Variants in IARS1 observed in about 807,000 individuals in gnomAD.
The protein encoded by IARS1 is isoleucyl-tRNA synthetase 1.
IARS1 carries 124 observed loss-of-function variants against 168.2 expected under a neutral mutation model. That is an observed-to-expected ratio of 0.74 (90% confidence interval 0.64 to 0.86). IARS1 has a LOEUF of 0.86. IARS1 is among the 40% of genes least tolerant of loss of function. IARS1 has a pLI of 0.00. For missense variants in IARS1, 1,452 were observed against 1,515.8 expected (o/e 0.96, Z 0.70); for synonymous variants, 532 against 529.4 (o/e 1.00, Z -0.07).
intron 23 of IARS1, among the ~76,000 whole-genome samples, 173 bp from the exon 24 acceptor site, chr9:92,250,462 C>A (rs997721078): frequency 4.6e-5 from 7 of 152,218 alleles, no homozygotes; most frequent in African/African-American, 1.7e-4. Context: ...CCCGGCATCT[C>A]CCCAAGGAGC....
intron 5 of IARS1, chr9:92,286,116 G>T (rs761020085): frequency 2.9e-6 from 1 of 340,716 alleles, no homozygotes; most frequent in East Asian, 5.5e-5. Flanking sequence ...GTCTGTAATC[G>T]TAGCACTTTG....
intron 12 of IARS1, 30 bp downstream of exon 12, chr9:92,270,955 A>T (rs1337684239): frequency 9.5e-6 from 14 of 1,471,864 alleles, no homozygotes; most frequent in Non-Finnish European, 1.3e-5. Context: ...TGGAAGCTCT[A>T]GCTACAACAC....
At chr9:92,254,540 G>T (rs1415167231) in intron 20 of IARS1, among the ~76,000 whole-genome samples, 1 of 152,212 alleles carries the variant, frequency 6.6e-6, no homozygotes, top group Non-Finnish European at 1.5e-5. Flanking sequence ...CTGAGCCCCA[G>T]GCCAGAGTCG....
At chr9:92,285,864 T>C (rs773658135) in intron 5 of IARS1, 25 bp from the exon 6 acceptor site, 1 of 1,280,562 alleles carries the variant, frequency 7.8e-7, no homozygotes, top group South Asian at 1.2e-5. Context: ...AGTTTCACAA[T>C]TACAGAACAA....
At position 92,250,720 on chromosome 9, in the gene IARS1, G is replaced by A. The variant is rs750608005; in HGVS notation, c.2422C>T (p.Arg808Cys). The A allele has an allele frequency of 1.2e-5, 20 of 1,607,188 alleles. No individual in the cohort carries two copies. Among genetic ancestry groups the A allele is most frequent in the East Asian group, 4.5e-5 (2 of 44,818 alleles). ...TTTCTATTTGAGTCCTACCGAACACGGGGCAGCATGAGGTAGTGAATGCTG... is the reference window on the plus strand; with the variant it reads ...TTTCTATTTGAGTCCTACCGAACACAGGGCAGCATGAGGTAGTGAATGCTG... ...TLSIHYLMLPRVREELIDKKT... is the reference protein window; with the variant it reads ...TLSIHYLMLPCVREELIDKKT... The change falls in exon 23 of 34, where the codon CGT becomes TGT. Residue 808 changes from arginine to cysteine, a missense_variant. Physicochemically the swap from Arg to Cys is radical, Grantham distance 180 (BLOSUM62 -3). Transcript: ENST00000443024.
At chr9:92,255,409 C>T (rs865869969) in intron 20 of IARS1, among the ~76,000 whole-genome samples, 1 of 152,192 alleles carries the variant, frequency 6.6e-6, no homozygotes, top group African/African-American at 2.4e-5. Context: ...TGTCCACCCA[C>T]TTTAACTGAC....
Position 92,210,907 on chromosome 9 carries a change from A to G in IARS1, c.3707-18T>C, listed in dbSNP as rs779402349. 1.1e-5 allele frequency: 17 copies of G among 1,517,948 alleles called. No homozygotes were observed. In the South Asian group the frequency reaches 1.9e-4, roughly 17 times the overall value. The allele number at this position is 1,517,948 out of a possible 1,614,324, so 94.0% of individuals were successfully genotyped here. On this transcript the variant is annotated intron_variant, in intron 33 of 33. Transcript: ENST00000443024. ...TGTAATTTCTAGAATGGAAAGAAAA[A>G]GTTGAAAAAAAATCAGTATTTTACC...
intron 30 of IARS1, among the ~76,000 whole-genome samples, chr9:92,236,872 C>T (rs1827623920): frequency 1.3e-5 from 2 of 152,166 alleles, no homozygotes; most frequent in Admixed American, 1.3e-4. Context: ...GAGATTTATT[C>T]ATAGTATTTG....
chr9:92,260,034 G>A (rs1241114064), intron 18 of IARS1, 117 bp downstream of exon 18: 2 of 698,002 alleles, frequency 2.9e-6, no homozygotes, highest in Non-Finnish European at 2.6e-6. Context: ...CCAAATAACA[G>A]AGATATGTTG....
At chr9:92,250,673 T>C in intron 23 of IARS1, 40 bp downstream of exon 23, 1 of 1,514,708 alleles carries the variant, frequency 6.6e-7, no homozygotes, top group Admixed American at 2.0e-5. Context: ...AACTCTCCCC[T>C]CCTTGGCACA....
At chr9:92,253,765 CT>C in intron 20 of IARS1, 1 of 510,662 alleles carries the variant, frequency 2.0e-6, no homozygotes, top group South Asian at 1.5e-5. Flanking sequence ...CACTACACAA[CT>C]GTAGGAAGTG....
chr9:92,220,640 C>G (rs1839527501), intron 33 of IARS1, among the ~76,000 whole-genome samples: 1 of 151,428 alleles, frequency 6.6e-6, no homozygotes, highest in Non-Finnish European at 1.5e-5. Flanking sequence ...AACAAACAAA[C>G]AAACAAACAA....
chr9:92,277,308 C>A (rs1273993414), intron 9 of IARS1, among the ~76,000 whole-genome samples: 1 of 152,022 alleles, frequency 6.6e-6, no homozygotes, highest in Non-Finnish European at 1.5e-5. Context: ...GCCTGTAATC[C>A]CAGCTGCTCG....
At chr9:92,234,792 T>A (rs1279950297) in intron 30 of IARS1, among the ~76,000 whole-genome samples, 1 of 151,464 alleles carries the variant, frequency 6.6e-6, no homozygotes, top group Non-Finnish European at 1.5e-5. Flanking sequence ...GCAGCTGGCA[T>A]GGGAAGATCA....
intron 33 of IARS1, among the ~76,000 whole-genome samples, chr9:92,217,262 G>A (rs1346120679): frequency 6.6e-6 from 1 of 150,502 alleles, no homozygotes; most frequent in African/African-American, 2.5e-5. Context: ...TCTCTGAGAC[G>A]CATTCAAAGC....
intron 33 of IARS1, among the ~76,000 whole-genome samples, chr9:92,215,817 G>T (rs1316705515): frequency 1.3e-5 from 2 of 151,976 alleles, no homozygotes; most frequent in Admixed American, 6.6e-5. Flanking sequence ...GAAAGTGATG[G>T]GGAGAATGGA....
intron 26 of IARS1, 40 bp from the exon 27 acceptor site, chr9:92,245,111 C>T (rs746339098): frequency 6.7e-7 from 1 of 1,502,966 alleles, no homozygotes; most frequent in African/African-American, 1.4e-5. Flanking sequence ...GCTTCCCCTC[C>T]TCTTCAAGCT....
Position 92,260,132 on chromosome 9 carries a change from G to C in IARS1, c.1871+19C>G. 1.3e-6 allele frequency: 2 copies of C among 1,519,994 alleles called. No homozygotes were observed. Among genetic ancestry groups the C allele is most frequent in the Non-Finnish European group, 1.8e-6 (2 of 1,094,094 alleles). The allele number at this position is 1,519,994 out of a possible 1,614,324, so 94.2% of individuals were successfully genotyped here. Reference sequence around the variant, plus strand: ...TAAAAAAACAATAGATACACACAAGGCAAAGCACTGGTTTGTACCTGAGGG... The same window carrying C: ...TAAAAAAACAATAGATACACACAAGCCAAAGCACTGGTTTGTACCTGAGGG... On this transcript the variant is annotated intron_variant, in intron 18 of 33. Transcript: ENST00000443024.
chr9:92,282,005 TGCTGGGACAA>T (rs1390369218), intron 6 of IARS1, among the ~76,000 whole-genome samples: 8 of 151,482 alleles, frequency 5.3e-5, no homozygotes, highest in Non-Finnish European at 8.8e-5. Flanking sequence ...TAAAGGACAC[TGCTGGGACAA>T]GCAGAACCCA....
Sources: gnomAD v4.1 joint callset for allele counts (sites outside exome capture counted in the v4.1 genomes callset) on GRCh38, gnomAD v4.1.1 for gene constraint, MANE v1.5 for transcripts, NCBI Gene and HGNC (gene_info 2026-07-23, HGNC 2026-07-21) for gene names.